Variants in GRID1 observed in about 807,000 individuals in gnomAD.
The protein encoded by GRID1 is glutamate ionotropic receptor delta type subunit 1.
Under a neutral mutation model 98.0 loss-of-function variants are expected in GRID1, and 28 were observed. That is an observed-to-expected ratio of 0.29 (90% CI 0.21 to 0.39). The LOEUF is 0.39. GRID1 is among the 10% of genes least tolerant of loss of function. The pLI is 1.00. For missense variants in GRID1, 1,111 were observed against 1,340.5 expected, an observed-to-expected ratio of 0.83 and a Z score of 2.67; for synonymous variants, 553 against 538.5, an observed-to-expected ratio of 1.03 and a Z score of -0.37.
intron 15 of GRID1, 157 bp downstream of exon 15, chr10:85,613,250 T>C: frequency 2.7e-6 from 2 of 752,470 alleles, no homozygotes; most frequent in Non-Finnish European, 4.2e-6. Flanking sequence ...AAAAACAAAA[T>C]AAAACAATAA....
rs141699807 is a variant in GRID1 at position 85,945,533 on chromosome 10, A to G, written c.727-29294T>C. On this transcript the variant is annotated intron_variant, in intron 4 of 15. Coordinates refer to ENST00000327946, the MANE Select transcript of GRID1 (RefSeq NM_017551.3). ...TTTGGGGTATTGCTTCCTCAATCTT[A>G]GCAAACAGAATTTGTCAAAAAGTTG... 6.0e-3 allele frequency among the ~76,000 whole-genome samples: 920 copies of G among 152,322 alleles called. 8 individuals carry two copies. The highest frequency in any genetic ancestry group is 0.02 in the African/African-American group (836 of 41,568).
chr10:85,896,200 A>G (rs964972069), intron 5 of GRID1, among the ~76,000 whole-genome samples: 1 of 152,180 alleles, frequency 6.6e-6, no homozygotes, highest in African/African-American at 2.4e-5. Flanking sequence ...ATTTCTAGTT[A>G]ACAGGAAGTT....
At chr10:85,786,271 C>T (rs1842428264) in intron 8 of GRID1, among the ~76,000 whole-genome samples, 1 of 152,190 alleles carries the variant, frequency 6.6e-6, no homozygotes, top group Admixed American at 6.5e-5. Context: ...ACTCATTAGG[C>T]ACCAACCACA....
At chr10:86,162,807 G>A (rs1171340848) in intron 3 of GRID1, among the ~76,000 whole-genome samples, 1 of 152,170 alleles carries the variant, frequency 6.6e-6, no homozygotes, top group African/African-American at 2.4e-5. Flanking sequence ...AACACCCAGA[G>A]AGAACCTTCT....
intron 2 of GRID1, among the ~76,000 whole-genome samples, chr10:86,215,443 T>C (rs1289920222): frequency 6.6e-6 from 1 of 152,148 alleles, no homozygotes; most frequent in African/African-American, 2.4e-5. Flanking sequence ...CTGGGTGGGA[T>C]CATGCTCGCT....
intron 2 of GRID1, among the ~76,000 whole-genome samples, chr10:86,260,842 G>A (rs1403692558): frequency 1.3e-5 from 2 of 152,242 alleles, no homozygotes; most frequent in Non-Finnish European, 2.9e-5. Context: ...CGGCTCCAGA[G>A]CTGATAAGAC....
chr10:85,728,435 A>G (rs1291356898), intron 9 of GRID1, among the ~76,000 whole-genome samples: 4 of 152,216 alleles, frequency 2.6e-5, no homozygotes, highest in African/African-American at 9.6e-5. Context: ...GAAACATGCA[A>G]CTTCTCATCC....
At chr10:85,728,217 C>T (rs1311313350) in intron 9 of GRID1, among the ~76,000 whole-genome samples, 165 bp from the exon 10 acceptor site, 1 of 152,218 alleles carries the variant, frequency 6.6e-6, no homozygotes. Context: ...TTTATGGACA[C>T]TCAAGGAACA....
intron 2 of GRID1, among the ~76,000 whole-genome samples, chr10:86,208,726 G>T (rs1275332318): frequency 3.3e-5 from 5 of 152,210 alleles, no homozygotes; most frequent in African/African-American, 1.2e-4. Context: ...GAGGACCAGG[G>T]TCATGCCTGC....
intron 13 of GRID1, among the ~76,000 whole-genome samples, chr10:85,630,207 T>C: frequency 6.6e-6 from 1 of 152,234 alleles, no homozygotes; most frequent in Admixed American, 6.5e-5. Context: ...CGGCATGGTA[T>C]GTTGGCAAGA....
At chr10:86,029,167 C>T (rs1223972471) in intron 4 of GRID1, among the ~76,000 whole-genome samples, 1 of 152,210 alleles carries the variant, frequency 6.6e-6, no homozygotes, top group Non-Finnish European at 1.5e-5. Flanking sequence ...CAAAAACACA[C>T]TGGTTTCCAC....
chr10:85,828,242 A>T (rs987695909), intron 8 of GRID1, among the ~76,000 whole-genome samples: 2 of 152,156 alleles, frequency 1.3e-5, no homozygotes, highest in African/African-American at 4.8e-5. Context: ...AAACTAATGA[A>T]AATAAATATA....
chr10:85,737,248 G>C (rs760903882), intron 8 of GRID1, among the ~76,000 whole-genome samples: 7 of 152,132 alleles, frequency 4.6e-5, no homozygotes, highest in African/African-American at 1.7e-4. Flanking sequence ...CCAGAGGACA[G>C]AGCTGTAAGA....
chr10:85,959,359 C>T (rs974593328), intron 4 of GRID1, among the ~76,000 whole-genome samples: 2 of 152,218 alleles, frequency 1.3e-5, no homozygotes. Flanking sequence ...GGGAACAAGA[C>T]GAGGTGCAGC....
intron 4 of GRID1, among the ~76,000 whole-genome samples, chr10:86,002,708 A>AT (rs201253761): frequency 0.011 from 1,673 of 152,314 alleles, 19 homozygotes; most frequent in Admixed American, 0.017. Context: ...CTACGCACAT[A>AT]TTTTTTAAAA....
chr10:86,172,743 A>G (rs1415045578), intron 3 of GRID1, among the ~76,000 whole-genome samples: 1 of 152,236 alleles, frequency 6.6e-6, no homozygotes, highest in African/African-American at 2.4e-5. Context: ...AAGTGATAAC[A>G]GCACCTAATA....
intron 4 of GRID1, among the ~76,000 whole-genome samples, chr10:86,019,446 CG>C (rs1843021409): frequency 6.6e-6 from 1 of 152,208 alleles, no homozygotes; most frequent in African/African-American, 2.4e-5. Flanking sequence ...TGGAGGGCTT[CG>C]GGGCATGGGG....
At chr10:85,617,147 G>T (rs1369662901) in intron 14 of GRID1, among the ~76,000 whole-genome samples, 7 of 152,038 alleles carry the variant, frequency 4.6e-5, no homozygotes, top group Non-Finnish European at 8.8e-5. Context: ...ATGGCATCAG[G>T]CATTGCTCTC....
chr10:86,028,027 T>G (rs181608682), intron 4 of GRID1, among the ~76,000 whole-genome samples: 10 of 152,330 alleles, frequency 6.6e-5, no homozygotes, highest in Non-Finnish European at 1.3e-4. Flanking sequence ...TACCCCGTGA[T>G]GTATGGATGA....
Sources: allele counts gnomAD v4.1 joint callset (sites outside exome capture counted in the v4.1 genomes callset), GRCh38; gene constraint gnomAD v4.1.1; transcripts MANE v1.5; gene names NCBI Gene and HGNC (gene_info 2026-07-23, HGNC 2026-07-21).